SMUG1: variants seen among roughly 807,000 people sequenced by gnomAD.
The protein encoded by SMUG1 is single-strand selective monofunctional uracil DNA glycosylase.
In SMUG1, 13 loss-of-function variants were observed where a neutral mutation model predicts 23.9. That is an observed-to-expected ratio of 0.54 (90% CI 0.35 to 0.86). The LOEUF (loss-of-function observed/expected upper bound fraction) is 0.86. Among genes scored for constraint, SMUG1 ranks in the 40% least tolerant of loss-of-function variants. SMUG1 has a pLI of 0.01. For missense variants in SMUG1, 313 were observed against 339.5 expected (o/e 0.92, Z 0.61); for synonymous variants, 133 against 139.8 (o/e 0.95, Z 0.34).
chr12:54,177,368 G>C (rs2136556017), downstream of SMUG1, among the ~76,000 whole-genome samples: 1 of 152,266 alleles, frequency 6.6e-6, no homozygotes, highest in South Asian at 2.1e-4. Flanking sequence ...CTGATCTCTA[G>C]ATCAGTGTTG....
At chr12:54,172,798 G>A (rs1201758534) in intron 2 of SMUG1, 2 of 152,434 alleles carry the variant, frequency 1.3e-5, no homozygotes, top group African/African-American at 4.8e-5. Flanking sequence ...CACCACATAT[G>A]TATTCCTCCC....
At position 54,181,462 on chromosome 12, in the gene SMUG1, T is replaced by A; in HGVS notation, c.*634A>T. 1 of 1,180,892 alleles carries A rather than the reference T, an allele frequency of 8.5e-7. No individual in the cohort carries two copies. The highest frequency in any genetic ancestry group is 2.5e-5 in the East Asian group (1 of 39,226). 73.2% of individuals were successfully genotyped at this position (1,180,892 alleles called of 1,614,324 possible). ...AAGGTAGGCATCCCTGTTTTACAGA[T>A]GAGGAGCCTGAGGCATAGAGAGGTT... is the stretch of plus-strand genomic sequence containing the variant. On this transcript the variant is annotated 3_prime_UTR_variant, in exon 4 of 4. Coordinates refer to ENST00000682136, the MANE Select transcript of SMUG1 (RefSeq NM_001243787.2).
At chr12:54,165,220 G>C (rs1940411011) in intron 4 of SMUG1, among the ~76,000 whole-genome samples, 1 of 152,164 alleles carries the variant, frequency 6.6e-6, no homozygotes, top group Non-Finnish European at 1.5e-5. Context: ...GCAGGACCTG[G>C]TGTGACTGCA....
At chr12:54,161,530 C>A (rs1940262887), downstream of SMUG1, among the ~76,000 whole-genome samples, 1 of 152,190 alleles carries the variant, frequency 6.6e-6, no homozygotes, top group African/African-American at 2.4e-5. This position sits in a 1 kb window ranked among gnomAD's most constrained non-coding sequence, Gnocchi z 4.2. Flanking sequence ...AATTCCCACA[C>A]CCCTCCTCTT....
downstream of SMUG1, among the ~76,000 whole-genome samples, chr12:54,175,852 G>A (rs1940736710): frequency 6.6e-6 from 1 of 152,210 alleles, no homozygotes; most frequent in Non-Finnish European, 1.5e-5. Flanking sequence ...AAAGGAAAGT[G>A]AGACCACACA....
At position 54,188,939 on chromosome 12, in the gene SMUG1, CTACTTCCTCACCTGGT is replaced by C; in HGVS notation, c.-108_-104+11del. 1 of 152,256 alleles carries C rather than the reference CTACTTCCTCACCTGGT, an allele frequency of 6.6e-6. No individual in the cohort carries two copies. Among genetic ancestry groups the C allele is most frequent in the South Asian group, 2.1e-4 (1 of 4,838 alleles). The allele number at this position is 152,256 out of a possible 1,614,324, so 9.4% of individuals were successfully genotyped here. On this transcript the variant is annotated splice_donor_variant and splice_donor_5th_base_variant and 5_prime_UTR_variant and intron_variant, in exon 1 of 4. Transcript: ENST00000682136. LOFTEE classifies it low-confidence loss of function (5UTR_SPLICE). ...CCCACAGTCCCGGATTCCCAGCCCC[CTACTTCCTCACCTGGT>C]CCAGCTCCCCATCCCGTTTCCGGTT...
intron 2 of SMUG1, among the ~76,000 whole-genome samples, chr12:54,186,210 G>A (rs1028029788): frequency 6.6e-6 from 1 of 152,110 alleles, no homozygotes; most frequent in African/African-American, 2.4e-5. Flanking sequence ...CCTTCAAAAT[G>A]CAGCTCAAAC....
Position 54,180,776 on chromosome 12 carries a change from T to A in SMUG1, c.*1320A>T, listed in dbSNP as rs1940947516. On this transcript the variant is annotated 3_prime_UTR_variant, in exon 4 of 4. Coordinates refer to ENST00000682136, the MANE Select transcript of SMUG1 (RefSeq NM_001243787.2). ...GCCAAGACAGGTGGATTACTTGAAG[T>A]CAGGAGTTTGAGACCAGCCTGGCCA... is the stretch of plus-strand genomic sequence containing the variant. 6.6e-6 allele frequency: 1 copy of A among 152,138 alleles called. No homozygotes were observed. Among genetic ancestry groups the A allele is most frequent in the African/African-American group, 2.4e-5 (1 of 41,414 alleles). 9.4% of individuals were successfully genotyped at this position (152,138 alleles called of 1,614,324 possible).
chr12:54,173,859 A>T (rs1940689902), intron 2 of SMUG1, among the ~76,000 whole-genome samples: 1 of 151,720 alleles, frequency 6.6e-6, no homozygotes, highest in African/African-American at 2.4e-5. Context: ...AGACACGACA[A>T]GCCCCCCGAA....
rs1481250554 is a variant in SMUG1, at chr12:54,182,584, C to T, written c.325G>A (p.Gly109Ser). 1.2e-6 allele frequency: 2 copies of T among 1,613,986 alleles called. No homozygotes were observed. Among genetic ancestry groups the T allele is most frequent in the Admixed American group, 3.3e-5 (2 of 60,012 alleles). ...GGGGTCAGCACAGGCCCCACAATGC[C>T]CAACCAGTCCCGGACCATGCTTACT... ...GEVSMVRDWL[G>S]IVGPVLTPPQ... Residue 109 changes from glycine to serine, a missense_variant, in exon 4 of 4, where the codon GGC (glycine) becomes AGC (serine). Coordinates refer to ENST00000682136, the MANE Select transcript of SMUG1 (RefSeq NM_001243787.2).
At chr12:54,164,855 A>G (rs1330515703) in intron 4 of SMUG1, 1 of 152,234 alleles carries the variant, frequency 6.6e-6, no homozygotes, top group Non-Finnish European at 1.5e-5. Context: ...AGTGTTTTAC[A>G]TGCCCCGGTC....
At position 54,182,025 on chromosome 12, in the gene SMUG1, G is replaced by A. The variant is rs1941173173; in HGVS notation, c.*71C>T. On this transcript the variant is annotated 3_prime_UTR_variant, in exon 4 of 4. Transcript: ENST00000682136. ...GACCTTTTGCTCCAGTCCAGGAGAT[G>A]TGTTGTCATCTGCTTGGCCAAGAAT... The A allele has an allele frequency of 2.0e-6, 3 of 1,512,534 alleles. No individual in the cohort carries two copies. The highest frequency in any genetic ancestry group is 2.6e-6 in the Non-Finnish European group (3 of 1,132,166). The allele number at this position is 1,512,534 out of a possible 1,614,324, so 93.7% of individuals were successfully genotyped here. A position where few individuals can be genotyped will look rare whatever the true frequency, so the allele number is the denominator to read the frequency against.
chr12:54,182,472 C>T lies in SMUG1; in HGVS notation c.437G>A (p.Arg146Gln), dbSNP rs370518402. 22 of 1,613,942 alleles carry T rather than the reference C, an allele frequency of 1.4e-5. No homozygotes were observed. The highest frequency in any genetic ancestry group is 4.5e-5 in the East Asian group (2 of 44,840). Residue 146 changes from arginine to glutamine, a missense_variant, in exon 4 of 4, where the codon CGG becomes CAG. Arg to Gln is a conservative substitution (Grantham distance 43). Coordinates refer to ENST00000682136, the MANE Select transcript of SMUG1 (RefSeq NM_001243787.2). ...VSGARFWGFF[R>Q]NLCGQPEVFF... Reference sequence around the variant, plus strand: ...GACCTCAGGCTGTCCACAGAGGTTCCGGAAAAAGCCCCAGAATCGGGCACC... The same window carrying T: ...GACCTCAGGCTGTCCACAGAGGTTCTGGAAAAAGCCCCAGAATCGGGCACC...
intron 3 of SMUG1, among the ~76,000 whole-genome samples, chr12:54,169,674 T>A (rs182152608): frequency 6.6e-6 from 1 of 152,280 alleles, no homozygotes; most frequent in East Asian, 1.9e-4. Context: ...CAAGAATCCT[T>A]AGTTCAAGTT....
chr12:54,174,280 A>AT (rs1227926326), intron 2 of SMUG1, among the ~76,000 whole-genome samples: 2 of 152,184 alleles, frequency 1.3e-5, no homozygotes, highest in Admixed American at 6.5e-5. Flanking sequence ...CTTCAAAGAC[A>AT]TTTTGTTCTT....
intron 2 of SMUG1, among the ~76,000 whole-genome samples, chr12:54,185,338 G>A (rs1215111742): frequency 2.0e-5 from 3 of 151,488 alleles, no homozygotes; most frequent in Admixed American, 6.6e-5. Flanking sequence ...GTTGTGGTGG[G>A]CACCTGTAAT....
intron 3 of SMUG1, chr12:54,183,323 C>T: frequency 2.0e-6 from 1 of 497,014 alleles, no homozygotes; most frequent in Non-Finnish European, 3.6e-6. Context: ...ACCCAGCAGT[C>T]CTAGTCCCTC....
rs772349670 is a variant in SMUG1, at chr12:54,183,809, C to A, written c.132G>T (p.Gln44His). The change falls in exon 3 of 4, where the codon CAG (glutamine) becomes CAT (histidine). Residue 44 changes from glutamine (Q) to histidine (H), a missense_variant. Gln to His is a conservative substitution (Grantham distance 24, BLOSUM62 0). Transcript: ENST00000682136. ...TGCCCACAGGCTCCGAAAACTGCAG[C>A]TGGCTCAGCTCAGCATTGAGCCGAA... ...EELRLNAELS[Q>H]LQFSEPVGII... The A allele has an allele frequency of 3.1e-6, 5 of 1,614,040 alleles. No homozygotes were observed. In the African/African-American group the frequency reaches 6.7e-5, roughly 22 times the overall value.
In SMUG1 at chr12:54,185,706, G is replaced by A. The variant is rs183253667; in HGVS notation, c.-19-1747C>T. Among the ~76,000 whole-genome samples, 138 of 151,864 alleles carry A rather than the reference G, an allele frequency of 9.1e-4. 3 individuals are homozygous for A. The East Asian group carries it at 0.019, about 21-fold the overall frequency. On this transcript the variant is annotated intron_variant, in intron 2 of 3. Coordinates refer to ENST00000682136, the MANE Select transcript of SMUG1 (RefSeq NM_001243787.2). ...CGTGCCTGTAATTCCAGCTACATGG[G>A]AGGCTGAGGCAGGAGAATTGCTTGA...
Sources: allele counts gnomAD v4.1 joint callset (sites outside exome capture counted in the v4.1 genomes callset), GRCh38; gene constraint gnomAD v4.1.1; non-coding constraint Gnocchi (gnomAD v3.1); transcripts MANE v1.5; gene names NCBI Gene and HGNC (gene_info 2026-07-23, HGNC 2026-07-21).